The following ZPBP variants were observed in gnomAD, a reference collection of about 807,000 sequenced individuals.
ZPBP encodes zona pellucida binding protein.
A neutral mutation model predicts 44.8 loss-of-function variants in ZPBP; 26 were observed. The ratio of observed to expected loss-of-function variants is 0.58; its 90% CI spans 0.43 to 0.81. The LOEUF (loss-of-function observed/expected upper bound fraction) is 0.81. Among genes scored for constraint, ZPBP ranks in the 30% least tolerant of loss-of-function variants. The pLI is 0.00. For synonymous variants in ZPBP, 174 were observed against 153.2 expected (o/e 1.14, Z -1.00); for missense variants, 409 against 434.0 (o/e 0.94, Z 0.51).
intron 5 of ZPBP, 34 bp from the exon 6 acceptor site, chr7:50,018,350 A>G (rs1230630553): frequency 2.1e-6 from 3 of 1,417,000 alleles, no homozygotes; most frequent in Non-Finnish European, 3.0e-6. Context: ...TCATGGGTAT[A>G]ATGTATTCTG....
intron 3 of ZPBP, among the ~76,000 whole-genome samples, chr7:50,076,758 G>C (rs1037528257): frequency 4.0e-5 from 6 of 150,384 alleles, no homozygotes; most frequent in Non-Finnish European, 8.9e-5. Context: ...GACATCCAAA[G>C]ATGAAAAAAA....
chr7:50,067,773 G>C (rs546917471), intron 3 of ZPBP, among the ~76,000 whole-genome samples: 2 of 152,322 alleles, frequency 1.3e-5, no homozygotes, highest in East Asian at 3.9e-4. Flanking sequence ...CAGTAGGGCA[G>C]TGGCAGCTAG....
intron 2 of ZPBP, among the ~76,000 whole-genome samples, chr7:49,888,944 A>G (rs192935697): frequency 1.3e-5 from 2 of 152,112 alleles, no homozygotes; most frequent in East Asian, 3.9e-4. Flanking sequence ...AAAAAAAACA[A>G]AAGAAGTGTA....
At chr7:49,986,285 C>A (rs538141754) in intron 6 of ZPBP, among the ~76,000 whole-genome samples, 2 of 152,294 alleles carry the variant, frequency 1.3e-5, no homozygotes, top group East Asian at 1.9e-4. Context: ...TCTAACCCAG[C>A]CTTTTCTACA....
chr7:49,920,162 T>C lies in ZPBP; in HGVS notation n.411+15589A>G, dbSNP rs1410553591. 4.6e-5 allele frequency: 7 copies of C among 152,028 alleles called. No individual in the cohort carries two copies. The South Asian group carries it at 1.0e-3, about 23-fold the overall frequency. 9.4% of individuals were successfully genotyped at this position (152,028 alleles called of 1,614,324 possible). ...ATGGAAGCAAAATGGAACAGAGCAA[T>C]ATAGAGCAAAACAGAGGTTTGTCTG... On this transcript the variant is annotated intron_variant and non_coding_transcript_variant, in intron 1 of 2. Transcript: ENST00000465922.
At chr7:50,090,813 T>C (rs1450386481) in intron 1 of ZPBP, among the ~76,000 whole-genome samples, 4 of 152,028 alleles carry the variant, frequency 2.6e-5, no homozygotes, top group Non-Finnish European at 5.9e-5. Context: ...TGACTTATTT[T>C]CCTCCGGGTA....
At chr7:50,050,627 G>C (rs6583420) in intron 4 of ZPBP, among the ~76,000 whole-genome samples, 116,386 of 151,548 alleles carry the variant, frequency 0.77, 44,825 homozygotes, top group East Asian at 0.87. Context: ...GAAAATGCAT[G>C]CCATAGTTAA....
intron 2 of ZPBP, among the ~76,000 whole-genome samples, chr7:50,088,239 G>A (rs1802770353): frequency 6.6e-6 from 1 of 151,952 alleles, no homozygotes; most frequent in Non-Finnish European, 1.5e-5. Flanking sequence ...TAAAGAATGA[G>A]CATGACCTCT....
At chr7:49,979,846 T>A (rs13242961) in intron 7 of ZPBP, among the ~76,000 whole-genome samples, 96 of 64,088 alleles carry the variant, frequency 1.5e-3, no homozygotes, top group African/African-American at 5.1e-3. Flanking sequence ...TATATATATA[T>A]AAAATATATA....
chr7:49,987,766 G>GTT (rs1797371898), intron 6 of ZPBP, among the ~76,000 whole-genome samples: 1 of 119,290 alleles, frequency 8.4e-6, no homozygotes, highest in Non-Finnish European at 1.7e-5. Context: ...GTGTGTGTGT[G>GTT]TGTGTGCAAT....
intron 1 of ZPBP, chr7:49,918,136 C>T (rs538812395): frequency 2.0e-5 from 3 of 152,278 alleles, no homozygotes; most frequent in African/African-American, 7.2e-5. Flanking sequence ...TCACATTTAA[C>T]CTCACAGTTC....
chr7:49,843,464 C>T, the ZPBP span, among the ~76,000 whole-genome samples: 1 of 152,112 alleles, frequency 6.6e-6, no homozygotes, highest in Non-Finnish European at 1.5e-5. Flanking sequence ...AAGGGTCTAC[C>T]ATTAATGAGT....
intron 1 of ZPBP, among the ~76,000 whole-genome samples, chr7:49,902,659 T>C (rs1531870): frequency 0.67 from 101,671 of 151,548 alleles, 34,550 homozygotes; most frequent in East Asian, 0.88. Context: ...TATAACATTC[T>C]TATGAAATAA....
At chr7:49,991,572 C>A (rs1379033950) in intron 6 of ZPBP, among the ~76,000 whole-genome samples, 1 of 152,136 alleles carries the variant, frequency 6.6e-6, no homozygotes, top group Non-Finnish European at 1.5e-5. Flanking sequence ...ACAATCCATT[C>A]TTCCTTTGTT....
At chr7:49,857,849 C>T (rs1790486379) in intron 2 of ZPBP, among the ~76,000 whole-genome samples, 1 of 152,108 alleles carries the variant, frequency 6.6e-6, no homozygotes, top group African/African-American at 2.4e-5. Context: ...CCTTCTTTGC[C>T]TATGATTTTC....
At chr7:49,931,574 C>G (rs951199771) in intron 1 of ZPBP, among the ~76,000 whole-genome samples, 1 of 152,124 alleles carries the variant, frequency 6.6e-6, no homozygotes, top group East Asian at 1.9e-4. Flanking sequence ...AGTGGAAGAA[C>G]CTTCTAAGCA....
chr7:49,924,822 A>T lies in ZPBP; in HGVS notation n.411+10929T>A, dbSNP rs560465771. On this transcript the variant is annotated intron_variant and non_coding_transcript_variant, in intron 1 of 2. Transcript: ENST00000465922. ...TTGGAAAGAAGGTGGTGGCTGCCCA[A>T]GGACTTCAGGATTTGAGGAACGACA... 8.5e-5 allele frequency among the ~76,000 whole-genome samples: 13 copies of T among 152,312 alleles called. No homozygotes were observed. In the East Asian group the frequency reaches 2.3e-3, roughly 27 times the overall value.
chr7:50,009,314 G>A (rs536657655), intron 6 of ZPBP, among the ~76,000 whole-genome samples: 219 of 150,338 alleles, frequency 1.5e-3, no homozygotes, highest in Non-Finnish European at 2.5e-3. Context: ...ATATTTCAAC[G>A]TCCTCTCAAA....
chr7:49,906,110 CG>C (rs1554343765), intron 1 of ZPBP, among the ~76,000 whole-genome samples: 1 of 152,122 alleles, frequency 6.6e-6, no homozygotes, highest in African/African-American at 2.4e-5. Context: ...GCTTTGTCTA[CG>C]GAGTAGCCAT....
Sources: gnomAD v4.1 joint callset for allele counts (sites outside exome capture counted in the v4.1 genomes callset) on GRCh38, gnomAD v4.1.1 for gene constraint, MANE v1.5 for transcripts, NCBI Gene and HGNC (gene_info 2026-07-23, HGNC 2026-07-21) for gene names.